The following GPC6 variants were observed in gnomAD, a reference collection of about 807,000 sequenced individuals.
The protein encoded by GPC6 is glypican-6.
Under a neutral mutation model 55.2 loss-of-function variants are expected in GPC6, and 14 were observed. The observed-to-expected ratio is 0.25, with a 90% CI of 0.17 to 0.40. The LOEUF is 0.40. GPC6 is among the 10% of genes least tolerant of loss of function. GPC6 has a pLI of 1.00. For synonymous variants in GPC6, 278 were observed against 259.6 expected (o/e 1.07, Z -0.68); for missense variants, 641 against 708.5 (o/e 0.90, Z 1.08).
intron 3 of GPC6, among the ~76,000 whole-genome samples, chr13:93,839,034 C>T (rs1394797629): frequency 6.6e-6 from 1 of 152,046 alleles, no homozygotes; most frequent in Non-Finnish European, 1.5e-5. Flanking sequence ...GCACGCCCTC[C>T]TGAAAGTAAA....
At chr13:93,268,245 T>C (rs1877391893) in intron 1 of GPC6, among the ~76,000 whole-genome samples, 2 of 152,166 alleles carry the variant, frequency 1.3e-5, no homozygotes, top group African/African-American at 4.8e-5. Context: ...ATGTAGTGCT[T>C]GGAAGGGAGA....
chr13:93,667,415 G>T (rs1019103129), intron 2 of GPC6, among the ~76,000 whole-genome samples: 18 of 151,260 alleles, frequency 1.2e-4, no homozygotes, highest in African/African-American at 3.9e-4. Flanking sequence ...GGTGGGTTCT[G>T]CCCCTTTACT....
intron 1 of GPC6, among the ~76,000 whole-genome samples, chr13:93,278,249 T>A (rs9523994): frequency 0.26 from 39,099 of 151,848 alleles, 5,279 homozygotes; most frequent in African/African-American, 0.34. Flanking sequence ...GATTTTTTTT[T>A]AAAAAGTTTG....
At chr13:93,771,312 C>T (rs1048088460) in intron 2 of GPC6, among the ~76,000 whole-genome samples, 1 of 152,146 alleles carries the variant, frequency 6.6e-6, no homozygotes, top group Non-Finnish European at 1.5e-5. Flanking sequence ...AGGCTTCCCA[C>T]GGCAGGAAGA....
intron 1 of GPC6, among the ~76,000 whole-genome samples, chr13:93,540,898 G>A (rs980879843): frequency 1.3e-5 from 2 of 152,016 alleles, no homozygotes; most frequent in Non-Finnish European, 2.9e-5. Context: ...ACTTCCAAGA[G>A]ATCCTTTTTT....
At chr13:94,193,932 A>G (rs1356510614) in intron 4 of GPC6, among the ~76,000 whole-genome samples, 1 of 152,086 alleles carries the variant, frequency 6.6e-6, no homozygotes, top group Non-Finnish European at 1.5e-5. Context: ...GCTATGTTTT[A>G]TGCTGGGGGT....
chr13:94,402,049 C>G (rs1287091749), intron 8 of GPC6, among the ~76,000 whole-genome samples: 7 of 152,104 alleles, frequency 4.6e-5, no homozygotes, highest in Non-Finnish European at 2.9e-5. Flanking sequence ...CATACAAAAG[C>G]AAGCAGCAGG....
chr13:93,642,825 C>G (rs1182999031), intron 2 of GPC6, among the ~76,000 whole-genome samples: 1 of 152,078 alleles, frequency 6.6e-6, no homozygotes, highest in African/African-American at 2.4e-5. Flanking sequence ...TATTCTACGG[C>G]TTCTCTAACA....
chr13:93,821,364 T>G (rs1316773380), intron 2 of GPC6, among the ~76,000 whole-genome samples: 1 of 152,144 alleles, frequency 6.6e-6, no homozygotes, highest in Non-Finnish European at 1.5e-5. Flanking sequence ...GTTATAGGGA[T>G]GAGGGTCCTG....
intron 7 of GPC6, among the ~76,000 whole-genome samples, chr13:94,389,512 C>T (rs1880552407): frequency 1.3e-5 from 2 of 152,142 alleles, no homozygotes; most frequent in African/African-American, 4.8e-5. Context: ...AGGCCCTTAC[C>T]TTTTTGCTCA....
Position 93,518,944 on chromosome 13 carries a change from A to G in GPC6, c.161-26319A>G, listed in dbSNP as rs562019746. 1.1e-3 allele frequency among the ~76,000 whole-genome samples: 165 copies of G among 152,132 alleles called. 1 individual carries two copies. The highest frequency in any genetic ancestry group is 3.9e-3 in the African/African-American group (161 of 41,538). Reference sequence around the variant, plus strand: ...TACCTAGTTTGCACACAGTATTAGTAAATAAGGTTTTATTGGAACATAGCC... The same window carrying G: ...TACCTAGTTTGCACACAGTATTAGTGAATAAGGTTTTATTGGAACATAGCC... On this transcript the variant is annotated intron_variant, in intron 1 of 8. Coordinates refer to ENST00000377047, the MANE Select transcript of GPC6 (RefSeq NM_005708.5).
chr13:93,242,129 A>T lies in GPC6; in HGVS notation c.160+14513A>T, dbSNP rs545218661. Among the ~76,000 whole-genome samples, 5 of 152,258 alleles carry T rather than the reference A, an allele frequency of 3.3e-5. No homozygotes were observed. In the East Asian group the frequency reaches 9.7e-4, roughly 29 times the overall value. On this transcript the variant is annotated intron_variant, in intron 1 of 8. Coordinates refer to ENST00000377047, the MANE Select transcript of GPC6 (RefSeq NM_005708.5). ...GTTGAACAATTTAGTCTTCAGTTTA[A>T]TTAGAGGTGTTCATGGGTAAGAATT...
chr13:94,189,275 G>A (rs1889305587), intron 4 of GPC6, among the ~76,000 whole-genome samples: 1 of 152,080 alleles, frequency 6.6e-6, no homozygotes, highest in Non-Finnish European at 1.5e-5. Context: ...TTTGGGGGTG[G>A]ACAGGAGGAG....
At chr13:93,965,304 G>A (rs1243109647) in intron 3 of GPC6, among the ~76,000 whole-genome samples, 4 of 151,736 alleles carry the variant, frequency 2.6e-5, no homozygotes, top group Admixed American at 6.6e-5. Flanking sequence ...CCAGCTACTC[G>A]GGAGGCTGAG....
chr13:93,718,268 A>T (rs1883324415), intron 2 of GPC6, among the ~76,000 whole-genome samples: 1 of 152,000 alleles, frequency 6.6e-6, no homozygotes, highest in Non-Finnish European at 1.5e-5. Context: ...CCTCTCCAGC[A>T]CCGGTTGTTT....
At chr13:93,898,966 T>TATATATATATATATATACACAC (rs1251225383) in intron 3 of GPC6, among the ~76,000 whole-genome samples, 6 of 137,086 alleles carry the variant, frequency 4.4e-5, no homozygotes, top group African/African-American at 1.6e-4. Flanking sequence ...TATATATATA[T>TATATATATATATATATACACAC]ACACACACAT....
chr13:93,514,943 G>A (rs146370008), intron 1 of GPC6, among the ~76,000 whole-genome samples: 257 of 152,258 alleles, frequency 1.7e-3, no homozygotes, highest in Non-Finnish European at 2.5e-3. Context: ...GAATATTTGT[G>A]TGTCTCCCAA....
At chr13:93,339,678 A>T (rs1880172315) in intron 1 of GPC6, among the ~76,000 whole-genome samples, 1 of 152,210 alleles carries the variant, frequency 6.6e-6, no homozygotes, top group South Asian at 2.1e-4. Context: ...TGGTTTTGCA[A>T]GTTGTACACT....
chr13:94,353,539 C>A (rs1878653111), intron 6 of GPC6, among the ~76,000 whole-genome samples: 2 of 151,862 alleles, frequency 1.3e-5, no homozygotes, highest in Non-Finnish European at 2.9e-5. Flanking sequence ...TTAACACTTT[C>A]CTGAGAAAAA....
Sources: gnomAD v4.1 joint callset for allele counts (sites outside exome capture counted in the v4.1 genomes callset) on GRCh38, gnomAD v4.1.1 for gene constraint, MANE v1.5 for transcripts, NCBI Gene and HGNC (gene_info 2026-07-23, HGNC 2026-07-21) for gene names.